Variants in AEBP2 observed in about 807,000 individuals in gnomAD.
AEBP2 encodes AE binding protein 2, also known as zinc finger protein AEBP2.
Under a neutral mutation model 50.8 loss-of-function variants are expected in AEBP2, and 10 were observed. That is an observed-to-expected ratio of 0.20 (90% CI 0.12 to 0.33). The LOEUF is 0.33. Ranked by LOEUF, AEBP2 falls within the 10% of genes least tolerant of loss-of-function variation. AEBP2 has a pLI of 1.00. For missense variants in AEBP2, 570 were observed against 688.0 expected (o/e 0.83, Z 1.92); for synonymous variants, 296 against 261.3 (o/e 1.13, Z -1.28).
chr12:19,474,795 T>TG (rs1322261938), intron 3 of AEBP2, among the ~76,000 whole-genome samples: 1 of 151,244 alleles, frequency 6.6e-6, no homozygotes, highest in Non-Finnish European at 1.5e-5. Context: ...TTTGAATAGT[T>TG]TTTTTTTCCC....
chr12:19,478,581 T>C (rs1948684833), intron 3 of AEBP2, among the ~76,000 whole-genome samples: 1 of 152,206 alleles, frequency 6.6e-6, no homozygotes, highest in Non-Finnish European at 1.5e-5. Context: ...TCAACCACCT[T>C]GCCTGGCATT....
intron 1 of AEBP2, among the ~76,000 whole-genome samples, chr12:19,422,664 T>C (rs140181024): frequency 6.6e-6 from 1 of 152,038 alleles, no homozygotes; most frequent in East Asian, 1.9e-4. Flanking sequence ...GCCTGGTTAA[T>C]TTTTGTAGAA....
intron 5 of AEBP2, among the ~76,000 whole-genome samples, chr12:19,505,862 A>G (rs1249751182): frequency 1.3e-5 from 2 of 152,016 alleles, no homozygotes; most frequent in African/African-American, 2.4e-5. Flanking sequence ...TGTTGCCTCA[A>G]ACTCCTGGGC....
chr12:19,488,453 G>A (rs12423803), intron 3 of AEBP2, among the ~76,000 whole-genome samples: 3,639 of 152,146 alleles, frequency 0.024, 199 homozygotes, highest in Admixed American at 0.14. Flanking sequence ...TGTGGTCATG[G>A]TCAGTGGCAG....
chr12:19,477,585 T>G (rs534916299), intron 3 of AEBP2, among the ~76,000 whole-genome samples: 2 of 152,246 alleles, frequency 1.3e-5, no homozygotes, highest in Non-Finnish European at 2.9e-5. Context: ...ATACATCACA[T>G]TTACTGACTT....
At chr12:19,426,015 C>G (rs945651883) in intron 1 of AEBP2, among the ~76,000 whole-genome samples, 1 of 152,088 alleles carries the variant, frequency 6.6e-6, no homozygotes, top group East Asian at 1.9e-4. Context: ...TGGCTCACTG[C>G]AAGCTTTGCC....
intron 5 of AEBP2, among the ~76,000 whole-genome samples, chr12:19,509,988 A>G (rs1381215067): frequency 1.3e-5 from 2 of 151,640 alleles, no homozygotes; most frequent in Non-Finnish European, 2.9e-5. Context: ...GTGCACCATC[A>G]CACCTGGCTA....
At chr12:19,418,389 C>CT (rs372043971) in intron 1 of AEBP2, among the ~76,000 whole-genome samples, 38,570 of 95,200 alleles carry the variant, frequency 0.41, 9,650 homozygotes, top group Non-Finnish European at 0.53. Context: ...CTATGCCTGG[C>CT]TTTTTTTTTT....
intron 1 of AEBP2, among the ~76,000 whole-genome samples, chr12:19,455,441 AG>A (rs1948251677): frequency 6.6e-6 from 1 of 152,178 alleles, no homozygotes; most frequent in Admixed American, 6.5e-5. Context: ...TTAAGACCAT[AG>A]TTTTGTCCTT....
intron 6 of AEBP2, among the ~76,000 whole-genome samples, chr12:19,514,067 T>C (rs1474855223): frequency 6.6e-6 from 1 of 151,992 alleles, no homozygotes; most frequent in Admixed American, 6.6e-5. Flanking sequence ...TGGTGCACTC[T>C]TGGCTCACTG....
chr12:19,485,554 C>A (rs889418997), intron 3 of AEBP2, among the ~76,000 whole-genome samples: 2 of 151,532 alleles, frequency 1.3e-5, no homozygotes, highest in Non-Finnish European at 2.9e-5. Context: ...AAAAAAAATA[C>A]AAAAATTAGC....
chr12:19,405,015 ACCTCTG>A (rs764076476), intron 1 of AEBP2, among the ~76,000 whole-genome samples: 3 of 145,518 alleles, frequency 2.1e-5, no homozygotes, highest in Non-Finnish European at 4.5e-5. Flanking sequence ...ACTCACTGCA[ACCTCTG>A]CCTCCAGGGT....
At chr12:19,412,603 A>T (rs889176231) in intron 1 of AEBP2, among the ~76,000 whole-genome samples, 4 of 149,452 alleles carry the variant, frequency 2.7e-5, no homozygotes, top group East Asian at 2.0e-4. Flanking sequence ...TATTATTATT[A>T]TTTTTAATTT....
chr12:19,497,624 T>C (rs1489041159), intron 4 of AEBP2, among the ~76,000 whole-genome samples: 2 of 151,998 alleles, frequency 1.3e-5, no homozygotes, highest in South Asian at 4.1e-4. Context: ...CGGCACACAC[T>C]ACCATGCCGG....
At position 19,518,285 on chromosome 12, in the gene AEBP2, T is replaced by G; in HGVS notation, c.*168T>G. 1 of 1,315,952 alleles carries G rather than the reference T, an allele frequency of 7.6e-7. No homozygotes were observed. The allele number at this position is 1,315,952 out of a possible 1,614,324, so 81.5% of individuals were successfully genotyped here. A position where few individuals can be genotyped will look rare whatever the true frequency, so the allele number is the denominator to read the frequency against. On this transcript the variant is annotated 3_prime_UTR_variant, in exon 8 of 8. Transcript: ENST00000266508. ...ATTTATGCTTAGTGTAAACATTCTG[T>G]GAATGAAGTAGACTCTTCGGTGGAA...
chr12:19,486,748 A>T (rs143659882), intron 3 of AEBP2, among the ~76,000 whole-genome samples: 137 of 151,942 alleles, frequency 9.0e-4, no homozygotes, highest in African/African-American at 3.2e-3. Flanking sequence ...AATTACACAC[A>T]CATATTCATT....
intron 1 of AEBP2, among the ~76,000 whole-genome samples, chr12:19,404,995 C>T (rs2095735451): frequency 7.7e-6 from 1 of 129,588 alleles, no homozygotes; most frequent in Non-Finnish European, 1.5e-5. Context: ...AGTGCAGTGG[C>T]GAGATCTGGA....
At chr12:19,493,247 C>G (rs1948920530) in intron 3 of AEBP2, among the ~76,000 whole-genome samples, 1 of 151,974 alleles carries the variant, frequency 6.6e-6, no homozygotes, top group Admixed American at 6.6e-5. Context: ...ACTAAAAATA[C>G]AAAATTAGCC....
At chr12:19,516,637 A>T (rs1949322622) in intron 7 of AEBP2, among the ~76,000 whole-genome samples, 1 of 152,198 alleles carries the variant, frequency 6.6e-6, no homozygotes, top group Non-Finnish European at 1.5e-5. Flanking sequence ...TATGTGTGTG[A>T]TTCCACAAGT....
Sources: allele counts gnomAD v4.1 joint callset (sites outside exome capture counted in the v4.1 genomes callset), GRCh38; gene constraint gnomAD v4.1.1; transcripts MANE v1.5; gene names NCBI Gene and HGNC (gene_info 2026-07-23, HGNC 2026-07-21).